The following HYDIN variants were observed in gnomAD, a reference collection of about 807,000 sequenced individuals.
HYDIN encodes the protein axonemal central pair apparatus protein HYDIN.
Under a neutral mutation model 403.9 loss-of-function variants are expected in HYDIN, and 132 were observed. The observed-to-expected ratio is 0.33, with a 90% CI of 0.28 to 0.38. The LOEUF (loss-of-function observed/expected upper bound fraction) is 0.38. Among genes scored for constraint, HYDIN ranks in the 10% least tolerant of loss-of-function variants. HYDIN has a pLI of 1.00. For missense variants in HYDIN, 2,827 were observed against 5,009.5 expected, an observed-to-expected ratio of 0.56 and a Z score of 13.15; for synonymous variants, 1,202 against 1,891.7, an observed-to-expected ratio of 0.64 and a Z score of 9.46.
intron 9 of HYDIN, among the ~76,000 whole-genome samples, chr16:71,126,539 T>C (rs1243935794): frequency 6.6e-6 from 1 of 152,188 alleles, no homozygotes; most frequent in African/African-American, 2.4e-5. Flanking sequence ...TTAGATGTAC[T>C]GGTAAGGTCC....
chr16:71,185,734 G>A (rs968280935), intron 2 of HYDIN, among the ~76,000 whole-genome samples: 3 of 152,122 alleles, frequency 2.0e-5, no homozygotes, highest in African/African-American at 7.2e-5. Flanking sequence ...CAATGTTATT[G>A]TGGTTCTAGA....
chr16:70,986,400 C>A (rs904616776), intron 27 of HYDIN, among the ~76,000 whole-genome samples: 4 of 152,186 alleles, frequency 2.6e-5, no homozygotes, highest in Non-Finnish European at 5.9e-5. Context: ...TGAGCCGAAA[C>A]CAAGTGCCCA....
chr16:70,810,325 C>A (rs1006215974), intron 84 of HYDIN, among the ~76,000 whole-genome samples: 5 of 152,200 alleles, frequency 3.3e-5, no homozygotes, highest in Admixed American at 2.0e-4. Context: ...GAAGCTTAGG[C>A]AGCTCCTTCT....
chr16:70,808,984 G>A (rs890109934), intron 85 of HYDIN, among the ~76,000 whole-genome samples: 1 of 152,218 alleles, frequency 6.6e-6, no homozygotes, highest in African/African-American at 2.4e-5. Flanking sequence ...TCAGCGAGCT[G>A]CCATTCCAGC....
At chr16:70,901,989 A>G (rs114796938) in intron 52 of HYDIN, among the ~76,000 whole-genome samples, 1 of 151,692 alleles carries the variant, frequency 6.6e-6, no homozygotes, top group South Asian at 2.1e-4. Flanking sequence ...CCATATTTTT[A>G]CTTTGTGTTT....
At position 71,055,736 on chromosome 16, in the gene HYDIN, C is replaced by T. The variant is rs540445539; in HGVS notation, c.2529+4768G>A. Among the ~76,000 whole-genome samples the T allele has an allele frequency of 3.9e-5, 6 of 151,912 alleles. No homozygotes were observed. The East Asian group carries it at 5.8e-4, about 15-fold the overall frequency. On this transcript the variant is annotated intron_variant, in intron 18 of 85. Transcript: ENST00000393567. Reference sequence around the variant, plus strand: ...TACAATGGCCTTTCTCTGCAGATCACGGAGGCAGAAGGCCACTACAAAGAT... The same window carrying T: ...TACAATGGCCTTTCTCTGCAGATCATGGAGGCAGAAGGCCACTACAAAGAT...
intron 10 of HYDIN, among the ~76,000 whole-genome samples, chr16:71,103,952 T>C (rs1311475727): frequency 6.6e-6 from 1 of 152,214 alleles, no homozygotes; most frequent in African/African-American, 2.4e-5. Flanking sequence ...CTCTCATTAA[T>C]CTTTCATAGT....
intron 7 of HYDIN, among the ~76,000 whole-genome samples, chr16:71,139,038 C>A (rs551228830): frequency 6.8e-6 from 1 of 147,014 alleles, no homozygotes; most frequent in South Asian, 2.2e-4. Context: ...GAGCCAAGAT[C>A]GTCCCATTGC....
At chr16:71,208,279 T>C (rs181291119) in intron 1 of HYDIN, among the ~76,000 whole-genome samples, 1 of 152,264 alleles carries the variant, frequency 6.6e-6, no homozygotes, top group Non-Finnish European at 1.5e-5. Flanking sequence ...CTCAAAACCA[T>C]ACAACTGTAT....
intron 7 of HYDIN, among the ~76,000 whole-genome samples, chr16:71,141,134 G>A (rs1366954349): frequency 2.0e-5 from 3 of 149,858 alleles, no homozygotes; most frequent in African/African-American, 7.4e-5. Context: ...AGCAGTGCAT[G>A]AAGAGACAGA....
intron 21 of HYDIN, among the ~76,000 whole-genome samples, chr16:71,020,771 T>G (rs1384485332): frequency 6.7e-6 from 1 of 148,638 alleles, no homozygotes; most frequent in African/African-American, 2.5e-5. Context: ...ATCACACCAC[T>G]GTACTCCAGC....
At chr16:71,129,929 C>T (rs1217121348) in intron 8 of HYDIN, 106 bp from the exon 9 acceptor site, 2 of 1,378,896 alleles carry the variant, frequency 1.5e-6, no homozygotes, top group Non-Finnish European at 2.0e-6. Context: ...AGCCACCACC[C>T]TGGGGTGGTC....
At chr16:70,902,958 T>C (rs1490716723) in intron 52 of HYDIN, among the ~76,000 whole-genome samples, 1 of 148,682 alleles carries the variant, frequency 6.7e-6, no homozygotes, top group East Asian at 2.0e-4. Flanking sequence ...TTTCTCTCTA[T>C]GCTTTTTTTT....
At chr16:71,132,789 A>T (rs1430429654) in intron 8 of HYDIN, 2 of 152,074 alleles carry the variant, frequency 1.3e-5, no homozygotes, top group Admixed American at 6.5e-5. Flanking sequence ...TCTTCCTCTG[A>T]TGGAGAATTG....
intron 1 of HYDIN, among the ~76,000 whole-genome samples, chr16:71,226,041 T>A (rs552767318): frequency 6.6e-6 from 1 of 152,220 alleles, no homozygotes; most frequent in African/African-American, 2.4e-5. Context: ...CAGATATTTT[T>A]GGAGATGTTA....
At chr16:71,087,433 G>C (rs2082964071) in intron 12 of HYDIN, among the ~76,000 whole-genome samples, 1 of 140,960 alleles carries the variant, frequency 7.1e-6, no homozygotes, top group Non-Finnish European at 1.5e-5. Context: ...AATCATATTG[G>C]ATTAAAGCCC....
intron 18 of HYDIN, among the ~76,000 whole-genome samples, chr16:71,058,884 AT>A (rs1568077084): frequency 6.6e-6 from 1 of 152,102 alleles, no homozygotes; most frequent in Non-Finnish European, 1.5e-5. Context: ...TAATGTGAAG[AT>A]GATGAGGATG....
chr16:70,991,839 G>A (rs1220714480), intron 24 of HYDIN, among the ~76,000 whole-genome samples: 6 of 151,882 alleles, frequency 4.0e-5, no homozygotes, highest in Non-Finnish European at 8.8e-5. Flanking sequence ...TGTAGACCTT[G>A]GACATACAGA....
chr16:71,067,918 T>G (rs1295950235), intron 14 of HYDIN, among the ~76,000 whole-genome samples: 2 of 152,102 alleles, frequency 1.3e-5, no homozygotes, highest in Non-Finnish European at 2.9e-5. Context: ...AAATAGAAAG[T>G]TCCAAAGAAA....
Sources: allele counts gnomAD v4.1 joint callset (sites outside exome capture counted in the v4.1 genomes callset), GRCh38; gene constraint gnomAD v4.1.1; transcripts MANE v1.5; gene names NCBI Gene and HGNC (gene_info 2026-07-23, HGNC 2026-07-21).